ZSCAN16: variants seen among roughly 807,000 people sequenced by gnomAD.
ZSCAN16 encodes the protein zinc finger and SCAN domain containing 16.
In ZSCAN16, 15 loss-of-function variants were observed where a neutral mutation model predicts 19.4. The ratio of observed to expected loss-of-function variants is 0.77; its 90% CI spans 0.52 to 1.19. The LOEUF is 1.19. Among genes scored for constraint, ZSCAN16 ranks in the 50% most tolerant of loss-of-function variants. The pLI is 0.00. For synonymous variants in ZSCAN16, 138 were observed against 146.5 expected, an observed-to-expected ratio of 0.94 and a Z score of 0.42; for missense variants, 327 against 415.7, an observed-to-expected ratio of 0.79 and a Z score of 1.86.
At chr6:28,128,047 AAG>A (rs2113712414) in intron 3 of ZSCAN16, among the ~76,000 whole-genome samples, 1 of 152,324 alleles carries the variant, frequency 6.6e-6, no homozygotes, top group Admixed American at 6.5e-5. Flanking sequence ...TAATGTAAAG[AAG>A]CCTTTCAGTG....
intron 3 of ZSCAN16, among the ~76,000 whole-genome samples, chr6:28,127,886 T>C (rs1484979551): frequency 1.3e-5 from 2 of 152,350 alleles, no homozygotes; most frequent in Middle Eastern, 3.4e-3. Flanking sequence ...TAGTTCCTTA[T>C]ACTCTAGCCT....
intron 3 of ZSCAN16, among the ~76,000 whole-genome samples, chr6:28,129,075 A>C (rs1764980849): frequency 6.6e-6 from 1 of 152,022 alleles, no homozygotes; most frequent in African/African-American, 2.4e-5. Context: ...TCTGTTCTCC[A>C]GTCTCTCTAA....
chr6:28,127,589 G>A (rs952548946), intron 3 of ZSCAN16, among the ~76,000 whole-genome samples: 1 of 152,192 alleles, frequency 6.6e-6, no homozygotes, highest in Admixed American at 6.5e-5. Context: ...ATGAATTTGT[G>A]GAGGAAGACA....
intron 3 of ZSCAN16, among the ~76,000 whole-genome samples, chr6:28,128,900 A>C (rs1178317225): frequency 6.6e-6 from 1 of 152,040 alleles, no homozygotes; most frequent in Non-Finnish European, 1.5e-5. Context: ...CCAGCTAATT[A>C]TTATCCTTCA....
At chr6:28,127,062 C>A in intron 3 of ZSCAN16, 141 bp downstream of exon 3, 1 of 707,346 alleles carries the variant, frequency 1.4e-6, no homozygotes, top group East Asian at 3.4e-5. Flanking sequence ...CCTCCTCTTA[C>A]CCTTGCTCCA....
chr6:28,126,948 G>A (rs774907873), intron 3 of ZSCAN16, 27 bp downstream of exon 3: 40 of 1,465,300 alleles, frequency 2.7e-5, no homozygotes, highest in East Asian at 5.0e-5. Context: ...CTGAGTGTAT[G>A]AGGGTAGAGG....
chr6:28,128,368 A>G (rs145959913), intron 3 of ZSCAN16, among the ~76,000 whole-genome samples: 1 of 152,346 alleles, frequency 6.6e-6, no homozygotes, highest in African/African-American at 2.4e-5. Context: ...TAAGGAATCC[A>G]AAGGTTAGAC....
chr6:28,125,321 A>G lies in ZSCAN16; in HGVS notation c.-31-92A>G, dbSNP rs1764864397. ...TTATGATGTGTTTATGTTCACAGAA[A>G]TTTTTGTAATTTCTCTATGGTAACA... On this transcript the variant is annotated intron_variant, in intron 1 of 3. Transcript: ENST00000340487. This position sits in a 1 kb window ranked among gnomAD's most constrained non-coding sequence, Gnocchi z 6.2. The G allele has an allele frequency of 6.9e-7, 1 of 1,453,476 alleles. No individual in the cohort carries two copies. The highest frequency in any genetic ancestry group is 1.4e-5 in the African/African-American group (1 of 70,442). 90.0% of individuals were successfully genotyped at this position (1,453,476 alleles called of 1,614,324 possible). A position where few individuals can be genotyped will look rare whatever the true frequency, so the allele number is the denominator to read the frequency against.
At chr6:28,129,081 TC>T (rs1481810337) in intron 3 of ZSCAN16, among the ~76,000 whole-genome samples, 1 of 152,200 alleles carries the variant, frequency 6.6e-6, no homozygotes, top group Non-Finnish European at 1.5e-5. Flanking sequence ...CTCCAGTCTC[TC>T]TAATTATCCT....
chr6:28,129,476 T>C lies in ZSCAN16; in HGVS notation c.573T>C (p.Asp191=). The C allele has an allele frequency of 6.2e-7, 1 of 1,613,610 alleles. No homozygotes were observed. Among genetic ancestry groups the C allele is most frequent in the Non-Finnish European group, 8.5e-7 (1 of 1,179,832 alleles). The part of the protein sequence containing the change: ...TKNEELFQKE[D]MPKDKEFLGE... The stretch of plus-strand genomic sequence containing the variant: ...ATGAAGAGTTGTTCCAGAAGGAAGA[T>C]ATGCCCAAAGACAAGGAATTCCTTG... Residue 191 remains aspartate, a synonymous_variant, in exon 4 of 4, where the codon GAT becomes GAC. Coordinates refer to ENST00000340487, the MANE Select transcript of ZSCAN16 (RefSeq NM_025231.3).
Position 28,126,804 on chromosome 6 carries a change from C to T in ZSCAN16, c.409C>T (p.Arg137Trp), listed in dbSNP as rs764394855. ...CTAGGTCCCAGGCAATTCAGAAAGA[C>T]GGGACATACTCATGGACAAGTTGGC... ...GKQVPGNSER[R>W]DILMDKLAPL... Residue 137 changes from arginine (R) to tryptophan (W), a missense_variant, in exon 3 of 4, where the codon CGG (arginine) becomes TGG (tryptophan). Physicochemically the swap from Arg to Trp is moderately radical, Grantham distance 101. Transcript: ENST00000340487. 33 of 1,530,688 alleles carry T rather than the reference C, an allele frequency of 2.2e-5. 1 individual carries two copies. The highest frequency in any genetic ancestry group is 2.7e-5 in the Non-Finnish European group (30 of 1,127,880). The allele number at this position is 1,530,688 out of a possible 1,614,324, so 94.8% of individuals were successfully genotyped here. A position where few individuals can be genotyped will look rare whatever the true frequency, so the allele number is the denominator to read the frequency against.
At position 28,125,643 on chromosome 6, in the gene ZSCAN16, G is replaced by T. The variant is rs143119447; in HGVS notation, c.200G>T (p.Arg67Leu). The change falls in exon 2 of 4, where the codon CGT becomes CTT. Residue 67 changes from arginine to leucine, a missense_variant. Physicochemically the swap from Arg to Leu is moderately radical, Grantham distance 102 (BLOSUM62 -2). Coordinates refer to ENST00000340487, the MANE Select transcript of ZSCAN16 (RefSeq NM_025231.3). This position sits in a 1 kb window ranked among gnomAD's most constrained non-coding sequence, Gnocchi z 6.2. ...EALTQLWELC[R>L]QWLRPECHTK... Reference sequence around the variant, plus strand: ...CTTACCCAGCTGTGGGAGCTCTGCCGTCAGTGGCTGAGGCCAGAATGCCAC... The same window carrying T: ...CTTACCCAGCTGTGGGAGCTCTGCCTTCAGTGGCTGAGGCCAGAATGCCAC... The T allele has an allele frequency of 5.0e-6, 8 of 1,614,242 alleles. No homozygotes were observed. The highest frequency in any genetic ancestry group is 6.8e-6 in the Non-Finnish European group (8 of 1,180,040).
intron 1 of ZSCAN16, among the ~76,000 whole-genome samples, chr6:28,124,962 G>C (rs1407560510): frequency 6.6e-6 from 1 of 152,198 alleles, no homozygotes. Flanking sequence ...GCACAAGCTG[G>C]CCCGTGCATC....
chr6:28,129,600 A>G lies in ZSCAN16; in HGVS notation c.697A>G (p.Arg233Gly), dbSNP rs764981629. Residue 233 changes from arginine to glycine, a missense_variant, in exon 4 of 4, where the codon AGA (arginine) becomes GGA (glycine). By Grantham distance (125) the Arg-to-Gly change is moderately radical. Coordinates refer to ENST00000340487, the MANE Select transcript of ZSCAN16 (RefSeq NM_025231.3). ...CAGATCAGAATGGCAACAGAGGGAA[A>G]GAAGACGATATAAATGTGATGAATG... Reference protein sequence around the residue: ...EGRSEWQQRERRRYKCDECGK... With the variant: ...EGRSEWQQREGRRYKCDECGK... 2 of 1,614,232 alleles carry G rather than the reference A, an allele frequency of 1.2e-6. No homozygotes were observed. The highest frequency in any genetic ancestry group is 1.7e-6 in the Non-Finnish European group (2 of 1,180,038).
At chr6:28,127,251 C>T (rs970090127) in intron 3 of ZSCAN16, among the ~76,000 whole-genome samples, 6 of 152,116 alleles carry the variant, frequency 3.9e-5, no homozygotes, top group African/African-American at 1.4e-4. Flanking sequence ...TATTAGTCAG[C>T]GAGGCCTGTC....
chr6:28,127,872 C>T (rs947546275), intron 3 of ZSCAN16, among the ~76,000 whole-genome samples: 17 of 152,144 alleles, frequency 1.1e-4, no homozygotes, highest in African/African-American at 3.9e-4. Flanking sequence ...AATGCCTCTC[C>T]GGGTAGTTCC....
Position 28,129,529 on chromosome 6 carries a change from A to T in ZSCAN16, c.626A>T (p.Asp209Val). Residue 209 changes from aspartate (D) to valine (V), a missense_variant, in exon 4 of 4, where the codon GAT (aspartate) becomes GTT (valine). Coordinates refer to ENST00000340487, the MANE Select transcript of ZSCAN16 (RefSeq NM_025231.3). ...LGEINDRLNK[D>V]TPQHPKSKDI... ...GAGATAAATGACAGACTGAACAAAGATACTCCTCAGCATCCTAAGTCCAAA... is the reference window on the plus strand; with the variant it reads ...GAGATAAATGACAGACTGAACAAAGTTACTCCTCAGCATCCTAAGTCCAAA... 6.2e-7 allele frequency: 1 copy of T among 1,614,202 alleles called. No homozygotes were observed. The highest frequency in any genetic ancestry group is 8.5e-7 in the Non-Finnish European group (1 of 1,180,032).
In ZSCAN16 at chr6:28,125,128, G is replaced by A. The variant is rs969167248; in HGVS notation, c.-31-285G>A. ...TGTAACACACATGAGAATTGTACCT[G>A]AGGATCTGTAGTTCTAGTCCAGATA... On this transcript the variant is annotated intron_variant, in intron 1 of 3. Coordinates refer to ENST00000340487, the MANE Select transcript of ZSCAN16 (RefSeq NM_025231.3). This position sits in a 1 kb window ranked among gnomAD's most constrained non-coding sequence, Gnocchi z 6.2. Among the ~76,000 whole-genome samples, 6 of 152,324 alleles carry A rather than the reference G, an allele frequency of 3.9e-5. 1 individual carries two copies. Among genetic ancestry groups the A allele is most frequent in the Admixed American group, 3.9e-4 (6 of 15,300 alleles).
intron 1 of ZSCAN16, among the ~76,000 whole-genome samples, chr6:28,124,942 A>G (rs1437226180): frequency 6.6e-6 from 1 of 152,228 alleles, no homozygotes; most frequent in Non-Finnish European, 1.5e-5. Context: ...ATAACCAGTG[A>G]ATCCTGGGGG....
Sources: allele counts gnomAD v4.1 joint callset (sites outside exome capture counted in the v4.1 genomes callset), GRCh38; gene constraint gnomAD v4.1.1; non-coding constraint Gnocchi (gnomAD v3.1); transcripts MANE v1.5; gene names NCBI Gene and HGNC (gene_info 2026-07-23, HGNC 2026-07-21).